TSNARE1: variants seen among roughly 807,000 people sequenced by gnomAD.
TSNARE1 encodes the protein t-SNARE domain containing 1.
In TSNARE1, 49 loss-of-function variants were observed where a neutral mutation model predicts 62.0. That is an observed-to-expected ratio of 0.79 (90% CI 0.63 to 1.00). The LOEUF (loss-of-function observed/expected upper bound fraction) is 1.00, where lower values mean the gene tolerates loss of function less well. Ranked by LOEUF, TSNARE1 falls within the 50% of genes least tolerant of loss-of-function variation. The pLI, the probability that TSNARE1 is intolerant of heterozygous loss-of-function variation, is 0.00. For synonymous variants in TSNARE1, 328 were observed against 294.4 expected, an observed-to-expected ratio of 1.11 and a Z score of -1.17; for missense variants, 755 against 700.1, an observed-to-expected ratio of 1.08 and a Z score of -0.88.
chr8:142,330,756 A>C lies in TSNARE1; in HGVS notation c.893+145T>G, dbSNP rs1298649144. The C allele has an allele frequency of 6.6e-6, 5 of 756,592 alleles. No individual in the cohort carries two copies. The East Asian group carries it at 1.1e-4, about 16-fold the overall frequency. 46.9% of individuals were successfully genotyped at this position (756,592 alleles called of 1,614,324 possible). A position where few individuals can be genotyped will look rare whatever the true frequency, so the allele number is the denominator to read the frequency against. ...TAGGCTTATCCGCAGGCGTGTGTGC[A>C]TATGTGCGCACATGTGTGTCCAGGC... On this transcript the variant is annotated intron_variant, in intron 6 of 13. Coordinates refer to ENST00000524325, the MANE Select transcript of TSNARE1 (RefSeq NM_145003.5).
intron 9 of TSNARE1, among the ~76,000 whole-genome samples, chr8:142,309,188 C>T (rs987103786): frequency 3.9e-5 from 6 of 152,154 alleles, no homozygotes; most frequent in African/African-American, 1.2e-4. Flanking sequence ...CAGGTGCGTT[C>T]GGATTTTCCA....
intron 4 of TSNARE1, among the ~76,000 whole-genome samples, chr8:142,343,127 T>C (rs1832817516): frequency 6.6e-6 from 1 of 152,174 alleles, no homozygotes; most frequent in South Asian, 2.1e-4. Context: ...GAAAAGGGAC[T>C]CTGCCTGAGC....
At chr8:142,343,913 CT>C (rs953887827) in intron 4 of TSNARE1, 52 bp downstream of exon 4, 38 of 1,444,212 alleles carry the variant, frequency 2.6e-5, no homozygotes, top group South Asian at 6.2e-5. Context: ...GGGCCCCCCC[CT>C]CCTGCTGGAC....
chr8:142,343,573 C>T (rs111352636), intron 4 of TSNARE1, among the ~76,000 whole-genome samples: 2,142 of 151,342 alleles, frequency 0.014, 54 homozygotes, highest in South Asian at 0.076. Context: ...CTCTAGGACG[C>T]GGTGAGGGAC....
intron 9 of TSNARE1, among the ~76,000 whole-genome samples, chr8:142,314,027 C>T (rs1348474103): frequency 6.6e-6 from 1 of 152,246 alleles, no homozygotes; most frequent in Non-Finnish European, 1.5e-5. Flanking sequence ...GATCCGCCCA[C>T]CTCGGCCTCC....
At chr8:142,278,484 C>A (rs948375133) in intron 11 of TSNARE1, 3 of 985,288 alleles carry the variant, frequency 3.0e-6, no homozygotes, top group African/African-American at 3.5e-5. Flanking sequence ...GAGGGTCCAG[C>A]GGGGCTCTGC....
At chr8:142,395,887 C>G (rs1376853059) in intron 1 of TSNARE1, among the ~76,000 whole-genome samples, 1 of 152,210 alleles carries the variant, frequency 6.6e-6, no homozygotes, top group Admixed American at 6.5e-5. Context: ...GAGACTGATT[C>G]TGGGCTCTGG....
chr8:142,386,329 G>A (rs1837109378), intron 1 of TSNARE1, among the ~76,000 whole-genome samples: 1 of 152,012 alleles, frequency 6.6e-6, no homozygotes, highest in Admixed American at 6.5e-5. Context: ...AGTATTAGAG[G>A]CATTTATGAA....
chr8:142,311,393 G>A (rs766146828), intron 9 of TSNARE1, among the ~76,000 whole-genome samples: 1 of 149,424 alleles, frequency 6.7e-6, no homozygotes, highest in Non-Finnish European at 1.5e-5. Context: ...TGCCTCCCGG[G>A]TTCAAGTGGT....
chr8:142,276,368 TC>T (rs1820496113), intron 11 of TSNARE1: 1 of 985,002 alleles, frequency 1.0e-6, no homozygotes, highest in African/African-American at 1.8e-5. Context: ...GTGTGACGGA[TC>T]CCCCCACAAT....
At chr8:142,376,719 A>G (rs941378881) in intron 1 of TSNARE1, among the ~76,000 whole-genome samples, 1 of 152,160 alleles carries the variant, frequency 6.6e-6, no homozygotes, top group Non-Finnish European at 1.5e-5. Flanking sequence ...CCAGCTGGAG[A>G]GCCCACCCAG....
At chr8:142,283,882 T>C (rs367937819) in intron 11 of TSNARE1, among the ~76,000 whole-genome samples, 6 of 136,442 alleles carry the variant, frequency 4.4e-5, no homozygotes, top group South Asian at 2.6e-4. Flanking sequence ...GCAGGGACAG[T>C]GTCAATGAAC....
At chr8:142,248,828 C>T (rs1818015543) in intron 12 of TSNARE1, among the ~76,000 whole-genome samples, 2 of 152,244 alleles carry the variant, frequency 1.3e-5, no homozygotes, top group African/African-American at 2.4e-5. Flanking sequence ...CTGTATCACT[C>T]GGTTGCAGGC....
chr8:142,350,315 C>G (rs1195519245), intron 2 of TSNARE1, among the ~76,000 whole-genome samples: 1 of 152,174 alleles, frequency 6.6e-6, no homozygotes. Flanking sequence ...CAGCGAAAGG[C>G]TATTGTGTAC....
chr8:142,284,392 G>C (rs371064278), intron 11 of TSNARE1, 21 bp downstream of exon 11: 1 of 1,608,658 alleles, frequency 6.2e-7, no homozygotes, highest in Admixed American at 1.7e-5. Context: ...CAGGTGGCCC[G>C]AGGCTGGGGC....
chr8:142,294,291 C>T (rs184063290), intron 10 of TSNARE1, among the ~76,000 whole-genome samples: 7 of 152,114 alleles, frequency 4.6e-5, no homozygotes, highest in African/African-American at 1.7e-4. Context: ...TCAATCACCT[C>T]GCTAACACCT....
At chr8:142,264,913 CTTCT>C (rs769163173) in intron 12 of TSNARE1, among the ~76,000 whole-genome samples, 9 of 152,190 alleles carry the variant, frequency 5.9e-5, no homozygotes, top group East Asian at 1.9e-4. Flanking sequence ...GTTCCAAATG[CTTCT>C]TTGTGTTCTC....
At chr8:142,397,101 G>C (rs1837948679) in intron 1 of TSNARE1, among the ~76,000 whole-genome samples, 1 of 140,306 alleles carries the variant, frequency 7.1e-6, no homozygotes, top group Non-Finnish European at 1.6e-5. Flanking sequence ...CTGCCCTGGG[G>C]CTGCACTCCC....
At chr8:142,372,560 C>T (rs1019367947) in intron 1 of TSNARE1, among the ~76,000 whole-genome samples, 3 of 152,204 alleles carry the variant, frequency 2.0e-5, no homozygotes, top group African/African-American at 4.8e-5. Flanking sequence ...GCTTCCCTCA[C>T]CCCTCATGTG....
Sources: allele counts gnomAD v4.1 joint callset (sites outside exome capture counted in the v4.1 genomes callset), GRCh38; gene constraint gnomAD v4.1.1; transcripts MANE v1.5; gene names NCBI Gene and HGNC (gene_info 2026-07-23, HGNC 2026-07-21).